ADAMTSL5: variants seen among roughly 807,000 people sequenced by gnomAD.
The protein encoded by ADAMTSL5 is ADAMTS like 5, also known as ADAMTS-like protein 5.
A neutral mutation model predicts 51.7 loss-of-function variants in ADAMTSL5; 53 were observed. The observed-to-expected ratio is 1.03, with a 90% CI of 0.82 to 1.29. The LOEUF is 1.29. Ranked by LOEUF, ADAMTSL5 falls within the 50% of genes most tolerant of loss-of-function variation. The pLI, the probability that ADAMTSL5 is intolerant of heterozygous loss-of-function variation, is 0.00. For synonymous variants in ADAMTSL5, 285 were observed against 278.7 expected (o/e 1.02, Z -0.23); for missense variants, 770 against 676.2 (o/e 1.14, Z -1.54).
chr19:1,506,459 A>T lies in ADAMTSL5; in HGVS notation c.1114+131T>A. 6.9e-7 allele frequency: 1 copy of T among 1,452,118 alleles called. No homozygotes were observed. The allele number at this position is 1,452,118 out of a possible 1,614,324, so 90.0% of individuals were successfully genotyped here. A position where few individuals can be genotyped will look rare whatever the true frequency, so the allele number is the denominator to read the frequency against. ...AGAGTCAGGATCACGTCAGGGATCA[A>T]TGAGGGATTAGGGTCAAGAGGCAAA... On this transcript the variant is annotated intron_variant, in intron 11 of 11. Transcript: ENST00000330475. The surrounding 1 kb of genome is among the most constrained non-coding windows in gnomAD (Gnocchi z 5.6).
In ADAMTSL5 at chr19:1,506,730, C is replaced by T; in HGVS notation, c.1042+9G>A. 1 of 1,557,208 alleles carries T rather than the reference C, an allele frequency of 6.4e-7. No individual in the cohort carries two copies. Among genetic ancestry groups the T allele is most frequent in the Non-Finnish European group, 8.7e-7 (1 of 1,150,242 alleles). On this transcript the variant is annotated intron_variant, in intron 10 of 11. Coordinates refer to ENST00000330475, the MANE Select transcript of ADAMTSL5 (RefSeq NM_213604.3). The surrounding 1 kb of genome is among the most constrained non-coding windows in gnomAD (Gnocchi z 5.6). ...CACTCATCCCCCACCCTGGCTGTCC[C>T]CACCTCACCTGGGGCCAGCGTTGGG... is the stretch of plus-strand genomic sequence containing the variant.
Position 1,506,671 on chromosome 19 carries a change from G to A in ADAMTSL5, c.1043-10C>T. On this transcript the variant is annotated splice_polypyrimidine_tract_variant and intron_variant, in intron 10 of 11. Transcript: ENST00000330475. The surrounding 1 kb of genome is among the most constrained non-coding windows in gnomAD (Gnocchi z 5.6). ...CAGGGTGGGCAGGGGTCTGTGGGAT[G>A]GGCGGTGCTGTGAGGGGCACAGGCC... The A allele has an allele frequency of 6.3e-7, 1 of 1,598,152 alleles. No individual in the cohort carries two copies.
intron 5 of ADAMTSL5, among the ~76,000 whole-genome samples, chr19:1,509,423 AAAATGAGCTGTCTGATC>A (rs985181884): frequency 2.6e-5 from 4 of 152,100 alleles, no homozygotes; most frequent in Non-Finnish European, 5.9e-5. Flanking sequence ...GAAGTGGGGC[AAAATGAGCTGTCTGATC>A]AAACACAAAG....
intron 5 of ADAMTSL5, among the ~76,000 whole-genome samples, chr19:1,509,254 C>A (rs1338980085): frequency 1.2e-3 from 59 of 49,522 alleles, no homozygotes; most frequent in East Asian, 5.7e-3. Context: ...GACTCCATCT[C>A]AAAAAAAAAA....
Position 1,507,640 on chromosome 19 carries a change from G to A in ADAMTSL5, c.605C>T (p.Ala202Val). 6.2e-7 allele frequency: 1 copy of A among 1,613,518 alleles called. No homozygotes were observed. Among genetic ancestry groups the A allele is most frequent in the Non-Finnish European group, 8.5e-7 (1 of 1,179,938 alleles). Reference protein sequence around the residue: ...FVQRVFRDAGAFAGYWNVTLI... With the variant: ...FVQRVFRDAGVFAGYWNVTLI... ...GGTCACGTTCCAGTACCCAGCGAAGGCACCTGGGTGGGAGGGTAGGAGGGT... is the reference window on the plus strand; with the variant it reads ...GGTCACGTTCCAGTACCCAGCGAAGACACCTGGGTGGGAGGGTAGGAGGGT... The change falls in exon 8 of 12, where the codon GCC (alanine) becomes GTC (valine). Residue 202 changes from alanine (A) to valine (V), a missense_variant. By Grantham distance (64) the Ala-to-Val change is moderately conservative (BLOSUM62 0). Coordinates refer to ENST00000330475, the MANE Select transcript of ADAMTSL5 (RefSeq NM_213604.3).
intron 1 of ADAMTSL5, among the ~76,000 whole-genome samples, chr19:1,512,649 C>A (rs1299406702): frequency 1.3e-5 from 2 of 152,098 alleles, no homozygotes; most frequent in Non-Finnish European, 2.9e-5. Context: ...CAATGCACTC[C>A]AGCCTGGGCG....
Position 1,508,471 on chromosome 19 carries a change from T to C in ADAMTSL5, c.461A>G (p.Gln154Arg). 2 of 1,578,754 alleles carry C rather than the reference T, an allele frequency of 1.3e-6. No individual in the cohort carries two copies. Among genetic ancestry groups the C allele is most frequent in the Non-Finnish European group, 1.7e-6 (2 of 1,169,254 alleles). Residue 154 changes from glutamine to arginine, a missense_variant, in exon 6 of 12, where the codon CAG becomes CGG. Physicochemically the swap from Gln to Arg is conservative, Grantham distance 43. Transcript: ENST00000330475. ...GCAGCGGCCAGCCACGCAGACCCCC[T>C]GGGCACCCGGGCTGCAGGCGGTGCC... ...LDGTACSPGA[Q>R]GVCVAGRCLS... is the part of the protein sequence containing the mutation.
intron 1 of ADAMTSL5, among the ~76,000 whole-genome samples, chr19:1,512,491 A>G (rs868030505): frequency 6.6e-6 from 1 of 152,132 alleles, no homozygotes; most frequent in Middle Eastern, 3.4e-3. Context: ...GACCAGCCTG[A>G]CCAACATGGT....
At chr19:1,508,380 T>C in intron 6 of ADAMTSL5, 63 bp downstream of exon 6, 4 of 1,371,536 alleles carry the variant, frequency 2.9e-6, no homozygotes, top group South Asian at 1.5e-5. Flanking sequence ...AGGTGGAGCC[T>C]AGGATGGGTG....
At chr19:1,507,466 C>T in intron 8 of ADAMTSL5, 61 bp from the exon 9 acceptor site, 1 of 1,607,590 alleles carries the variant, frequency 6.2e-7, no homozygotes, top group South Asian at 1.1e-5. Context: ...CCTGGGGTCC[C>T]CTCCTCAGGC....
chr19:1,508,191 G>A, intron 6 of ADAMTSL5, 82 bp from the exon 7 acceptor site: 7 of 1,441,276 alleles, frequency 4.9e-6, no homozygotes, highest in Non-Finnish European at 6.6e-6. Context: ...GGGAGCAAGA[G>A]GACGAGGCCT....
At position 1,507,321 on chromosome 19, in the gene ADAMTSL5, T is replaced by C. The variant is rs142120657; in HGVS notation, c.773A>G (p.His258Arg). 3.1e-6 allele frequency: 5 copies of C among 1,595,824 alleles called. No homozygotes were observed. The highest frequency in any genetic ancestry group is 3.4e-6 in the Non-Finnish European group (4 of 1,170,360). ...CCCTGTGTCTCGGGTGTAGACCACATGCGTGCCGGCCGCCTCGTAGGTCCC... is the reference window on the plus strand; with the variant it reads ...CCCTGTGTCTCGGGTGTAGACCACACGCGTGCCGGCCGCCTCGTAGGTCCC... The part of the protein sequence containing the change: ...PPGTYEAAGT[H>R]VVYTRDTGPQ... Residue 258 changes from histidine (H) to arginine (R), a missense_variant, in exon 9 of 12, where the codon CAT becomes CGT. Transcript: ENST00000330475.
At chr19:1,510,803 C>A in intron 2 of ADAMTSL5, 42 bp downstream of exon 2, 1 of 1,514,944 alleles carries the variant, frequency 6.6e-7, no homozygotes, top group East Asian at 2.5e-5. Context: ...GACTGGGTCC[C>A]CATTCCCACT....
intron 6 of ADAMTSL5, 35 bp downstream of exon 6, chr19:1,508,408 G>A (rs1467228314): frequency 1.3e-6 from 2 of 1,495,646 alleles, no homozygotes; most frequent in Non-Finnish European, 8.9e-7. Flanking sequence ...AGTGGGAGGT[G>A]GGCGGGGCTC....
Position 1,506,907 on chromosome 19 carries a change from G to C in ADAMTSL5, c.874C>G (p.Pro292Ala). The change falls in exon 10 of 12, where the codon CCT becomes GCT. Residue 292 changes from proline (P) to alanine (A), a missense_variant. Coordinates refer to ENST00000330475, the MANE Select transcript of ADAMTSL5 (RefSeq NM_213604.3). The surrounding 1 kb of genome is among the most constrained non-coding windows in gnomAD (Gnocchi z 5.6). Reference protein sequence around the residue: ...LLQVLLQEPNPGIEFEFWLPR... With the variant: ...LLQVLLQEPNAGIEFEFWLPR... ...AGCCAGAACTCAAACTCGATGCCAGGGTTGGGCTCCTGCAGGAGGACCTGG... is the reference window on the plus strand; with the variant it reads ...AGCCAGAACTCAAACTCGATGCCAGCGTTGGGCTCCTGCAGGAGGACCTGG... The C allele has an allele frequency of 6.5e-7, 1 of 1,548,668 alleles. No individual in the cohort carries two copies. The highest frequency in any genetic ancestry group is 8.7e-7 in the Non-Finnish European group (1 of 1,146,062).
Position 1,506,177 on chromosome 19 carries a change from C to CGGGCAGGGGCAGT in ADAMTSL5, c.1241_1253dup (p.Met419LeufsTer74), listed in dbSNP as rs778982301. ...GGTAGTCCCGGTGGGGTGCCAGCAT[C>CGGGCAGGGGCAGT]GGGCAGGGGCAGTGGCCTGGCGCCC... is the stretch of plus-strand genomic sequence containing the variant. On this transcript the variant is annotated frameshift_variant, in exon 12 of 12. Coordinates refer to ENST00000330475, the MANE Select transcript of ADAMTSL5 (RefSeq NM_213604.3). LOFTEE classifies it high-confidence loss of function. The surrounding 1 kb of genome is among the most constrained non-coding windows in gnomAD (Gnocchi z 5.6). 218 of 1,608,752 alleles carry CGGGCAGGGGCAGT rather than the reference C, an allele frequency of 1.4e-4. No homozygotes were observed. The highest frequency in any genetic ancestry group is 1.8e-4 in the Non-Finnish European group (207 of 1,177,410).
chr19:1,510,666 A>G lies in ADAMTSL5; in HGVS notation c.164T>C (p.Val55Ala), dbSNP rs1162499397. The stretch of plus-strand genomic sequence containing the variant: ...GAGGCAGCGCCGGCTGCGCACAGAG[A>G]CGCCACGCCCGCAGGAGCTGGAGCA... ...TRCSSSCGRGVSVRSRRCLRL... is the reference protein window; with the variant it reads ...TRCSSSCGRGASVRSRRCLRL... Residue 55 changes from valine to alanine, a missense_variant, in exon 3 of 12, where the codon GTC (valine) becomes GCC (alanine). Val to Ala is a moderately conservative substitution (Grantham distance 64). Coordinates refer to ENST00000330475, the MANE Select transcript of ADAMTSL5 (RefSeq NM_213604.3). 1.3e-6 allele frequency: 2 copies of G among 1,540,092 alleles called. No individual in the cohort carries two copies. Among genetic ancestry groups the G allele is most frequent in the East Asian group, 2.5e-5 (1 of 40,066 alleles).
At chr19:1,508,187 A>G in intron 6 of ADAMTSL5, 78 bp from the exon 7 acceptor site, 3 of 1,454,544 alleles carry the variant, frequency 2.1e-6, no homozygotes, top group Non-Finnish European at 2.8e-6. Context: ...GCCTGGGAGC[A>G]AGAGGACGAG....
At position 1,510,148 on chromosome 19, in the gene ADAMTSL5, A is replaced by G; in HGVS notation, c.361+2T>C. On this transcript the variant is annotated splice_donor_variant, in intron 5 of 11. Coordinates refer to ENST00000330475, the MANE Select transcript of ADAMTSL5 (RefSeq NM_213604.3). LOFTEE classifies it high-confidence loss of function. ...CTGACCACAGGAGACCAGACTACTC[A>G]CCCCCATGGAAGGGCACCCACTGGT... is the stretch of plus-strand genomic sequence containing the variant. The G allele has an allele frequency of 6.2e-7, 1 of 1,607,376 alleles. No individual in the cohort carries two copies.
Sources: gnomAD v4.1 joint callset for allele counts (sites outside exome capture counted in the v4.1 genomes callset) on GRCh38, gnomAD v4.1.1 for gene constraint, Gnocchi (gnomAD v3.1) non-coding constraint, MANE v1.5 for transcripts, NCBI Gene and HGNC (gene_info 2026-07-23, HGNC 2026-07-21) for gene names.